Variants in TRIM9 observed in about 807,000 individuals in gnomAD.
The protein encoded by TRIM9 is E3 ubiquitin-protein ligase TRIM9.
TRIM9 carries 26 observed loss-of-function variants against 78.3 expected under a neutral mutation model. The observed-to-expected ratio is 0.33, with a 90% CI of 0.24 to 0.46. The LOEUF (loss-of-function observed/expected upper bound fraction) is 0.46. Ranked by LOEUF, TRIM9 falls within the 20% of genes least tolerant of loss-of-function variation. The pLI, the probability that TRIM9 is intolerant of heterozygous loss-of-function variation, is 1.00. For synonymous variants in TRIM9, 398 were observed against 416.5 expected, an observed-to-expected ratio of 0.96 and a Z score of 0.54; for missense variants, 787 against 1,036.4, an observed-to-expected ratio of 0.76 and a Z score of 3.30.
Position 50,982,848 on chromosome 14 carries a change from C to G in TRIM9, c.1858+94G>C. 4 of 1,203,696 alleles carry G rather than the reference C, an allele frequency of 3.3e-6. No homozygotes were observed. In the Admixed American group the frequency reaches 8.2e-5, roughly 25 times the overall value. The allele number at this position is 1,203,696 out of a possible 1,614,324, so 74.6% of individuals were successfully genotyped here. A position where few individuals can be genotyped will look rare whatever the true frequency, so the allele number is the denominator to read the frequency against. Reference sequence around the variant, plus strand: ...AAATGCCACCTATAAATATCACACTCGAGAGATGTAATTGCTGATTTATTA... The same window carrying G: ...AAATGCCACCTATAAATATCACACTGGAGAGATGTAATTGCTGATTTATTA... On this transcript the variant is annotated intron_variant, in intron 10 of 12. Coordinates refer to ENST00000684578, the MANE Select transcript of TRIM9 (RefSeq NM_001387360.1).
At chr14:51,003,779 T>C (rs1219038789) in intron 5 of TRIM9, among the ~76,000 whole-genome samples, 2 of 152,194 alleles carry the variant, frequency 1.3e-5, no homozygotes, top group African/African-American at 2.4e-5. Context: ...CCAGAGATAT[T>C]TGCATCTGTC....
intron 1 of TRIM9, among the ~76,000 whole-genome samples, chr14:51,066,232 T>G (rs2061728624): frequency 1.3e-5 from 2 of 152,178 alleles, no homozygotes; most frequent in Admixed American, 6.5e-5. Flanking sequence ...CTAAACTCAG[T>G]GTCTGTGTTT....
At chr14:51,033,141 G>A (rs1239176060) in intron 1 of TRIM9, among the ~76,000 whole-genome samples, 1 of 152,132 alleles carries the variant, frequency 6.6e-6, no homozygotes, top group Non-Finnish European at 1.5e-5. Context: ...CCAGGCTGGA[G>A]TGCAGTGGTA....
intron 1 of TRIM9, among the ~76,000 whole-genome samples, chr14:51,072,335 C>A (rs564601330): frequency 6.6e-6 from 1 of 151,926 alleles, no homozygotes; most frequent in Non-Finnish European, 1.5e-5. Context: ...AGCCATCCAA[C>A]GAGAATTCCT....
chr14:51,009,289 A>T, intron 4 of TRIM9, 56 bp from the exon 5 acceptor site: 3 of 1,601,114 alleles, frequency 1.9e-6, no homozygotes, highest in Non-Finnish European at 1.7e-6. Context: ...CTTGAAACAC[A>T]ACACTGCCCC....
At chr14:51,003,635 G>C (rs1031486158) in intron 5 of TRIM9, among the ~76,000 whole-genome samples, 1 of 150,230 alleles carries the variant, frequency 6.7e-6, no homozygotes, top group Non-Finnish European at 1.5e-5. Flanking sequence ...CAGTTTAAAA[G>C]ACCAAAAGGA....
At chr14:50,989,695 G>C (rs1880636237) in intron 7 of TRIM9, among the ~76,000 whole-genome samples, 1 of 152,178 alleles carries the variant, frequency 6.6e-6, no homozygotes, top group African/African-American at 2.4e-5. Flanking sequence ...AAAACAGTAT[G>C]TCAATGGCCA....
At chr14:50,989,830 A>G (rs1183680549) in intron 7 of TRIM9, among the ~76,000 whole-genome samples, 1 of 152,132 alleles carries the variant, frequency 6.6e-6, no homozygotes, top group Non-Finnish European at 1.5e-5. Flanking sequence ...TCTTTCCTGG[A>G]CTTCTTTCCC....
At chr14:51,050,073 G>A (rs2060274268) in intron 1 of TRIM9, among the ~76,000 whole-genome samples, 1 of 152,024 alleles carries the variant, frequency 6.6e-6, no homozygotes, top group African/African-American at 2.4e-5. Flanking sequence ...GATTGATATT[G>A]ATCTGATTTA....
chr14:51,088,391 C>T (rs1440878313), intron 1 of TRIM9, among the ~76,000 whole-genome samples: 1 of 152,202 alleles, frequency 6.6e-6, no homozygotes, highest in Non-Finnish European at 1.5e-5. Flanking sequence ...GAACTACCTG[C>T]AGCCTGTTCA....
At chr14:51,052,295 C>T (rs965101189) in intron 1 of TRIM9, among the ~76,000 whole-genome samples, 2 of 152,034 alleles carry the variant, frequency 1.3e-5, no homozygotes, top group African/African-American at 2.4e-5. Context: ...CTTGAGGGGA[C>T]GCCTTAAAAA....
At chr14:51,008,112 A>T (rs2056074080) in intron 5 of TRIM9, among the ~76,000 whole-genome samples, 2 of 152,234 alleles carry the variant, frequency 1.3e-5, no homozygotes, top group African/African-American at 2.4e-5. Context: ...ATAGAGATGG[A>T]GAAAAGATTA....
At chr14:51,029,282 G>C (rs1041734358) in intron 1 of TRIM9, among the ~76,000 whole-genome samples, 3 of 152,170 alleles carry the variant, frequency 2.0e-5, no homozygotes, top group Non-Finnish European at 4.4e-5. Context: ...GTACAAAACA[G>C]AGGAGGCGGC....
chr14:51,026,038 G>A (rs2058198262), intron 1 of TRIM9, among the ~76,000 whole-genome samples: 1 of 152,286 alleles, frequency 6.6e-6, no homozygotes, highest in African/African-American at 2.4e-5. Flanking sequence ...TTGGCAAGGT[G>A]TCCAGGTAGG....
At chr14:51,049,949 C>T (rs775368307) in intron 1 of TRIM9, among the ~76,000 whole-genome samples, 29 of 151,792 alleles carry the variant, frequency 1.9e-4, no homozygotes, top group Non-Finnish European at 7.4e-5. Context: ...GGGTTGGGTG[C>T]ATTAAGAGTG....
intron 7 of TRIM9, chr14:50,997,699 G>T (rs2054402614): frequency 1.3e-5 from 15 of 1,169,676 alleles, no homozygotes; most frequent in Non-Finnish European, 1.6e-5. Context: ...ATGTGTATCG[G>T]TGGAGAATGG....
At chr14:51,029,548 G>C (rs1333515033) in intron 1 of TRIM9, among the ~76,000 whole-genome samples, 3 of 152,334 alleles carry the variant, frequency 2.0e-5, no homozygotes, top group African/African-American at 7.2e-5. Flanking sequence ...ATGAAATATT[G>C]ATCTCTGGGT....
chr14:51,083,575 C>G (rs4426259), intron 1 of TRIM9, among the ~76,000 whole-genome samples: 53,540 of 151,914 alleles, frequency 0.35, 9,786 homozygotes, highest in Admixed American at 0.42. Flanking sequence ...TTTGCAGCAG[C>G]ATTCTTCACA....
chr14:50,999,200 G>A (rs1164654825), intron 6 of TRIM9, among the ~76,000 whole-genome samples: 2 of 151,640 alleles, frequency 1.3e-5, no homozygotes, highest in Non-Finnish European at 2.9e-5. Context: ...AAAAAGTCAA[G>A]ACAAAATAAG....
Sources: allele counts gnomAD v4.1 joint callset (sites outside exome capture counted in the v4.1 genomes callset), GRCh38; gene constraint gnomAD v4.1.1; transcripts MANE v1.5; gene names NCBI Gene and HGNC (gene_info 2026-07-23, HGNC 2026-07-21).